Variants in DNAAF9 observed in about 807,000 individuals in gnomAD.
DNAAF9 encodes shulin.
DNAAF9 carries 90 observed loss-of-function variants against 167.0 expected under a neutral mutation model. The observed-to-expected ratio is 0.54, with a 90% CI of 0.45 to 0.64. The LOEUF is 0.64. Ranked by LOEUF, DNAAF9 falls within the 30% of genes least tolerant of loss-of-function variation. The pLI is 0.00. For missense variants in DNAAF9, 1,315 were observed against 1,442.2 expected (o/e 0.91, Z 1.43); for synonymous variants, 491 against 508.8 (o/e 0.96, Z 0.47).
chr20:3,371,653 T>G (rs541751336), intron 6 of DNAAF9, among the ~76,000 whole-genome samples: 6 of 152,218 alleles, frequency 3.9e-5, no homozygotes, highest in Non-Finnish European at 7.3e-5. Context: ...GAAAATCTTT[T>G]TTTAAAGCAT....
chr20:3,315,670 C>A lies in DNAAF9; in HGVS notation c.1590+65G>T. The stretch of plus-strand genomic sequence containing the variant: ...GTAGTGAGATGAAGCATTTTAATAC[C>A]TTTATGAATTGCTTACATTATTTTT... On this transcript the variant is annotated intron_variant, in intron 19 of 36. Coordinates refer to ENST00000252032, the MANE Select transcript of DNAAF9 (RefSeq NM_001009984.3). This position sits in a 1 kb window ranked among gnomAD's most constrained non-coding sequence, Gnocchi z 4.1. 7.9e-7 allele frequency: 1 copy of A among 1,258,080 alleles called. No individual in the cohort carries two copies. Among genetic ancestry groups the A allele is most frequent in the Non-Finnish European group, 1.2e-6 (1 of 855,230 alleles). The allele number at this position is 1,258,080 out of a possible 1,614,324, so 77.9% of individuals were successfully genotyped here. A position where few individuals can be genotyped will look rare whatever the true frequency, so the allele number is the denominator to read the frequency against.
In DNAAF9 at chr20:3,337,775, T is replaced by C. The variant is rs77246031; in HGVS notation, c.981+2729A>G. Among the ~76,000 whole-genome samples the C allele has an allele frequency of 7.0e-3, 1,063 of 152,100 alleles. 5 individuals are homozygous for C. Among genetic ancestry groups the C allele is most frequent in the Non-Finnish European group, 0.012 (814 of 67,992 alleles). ...TAAACCTTGTGTCAGAGTACTCCCA[T>C]GTCCTCCCTCCTGTGTCTTATTACA... On this transcript the variant is annotated intron_variant, in intron 10 of 36. Transcript: ENST00000252032.
In DNAAF9 at chr20:3,249,535, A is replaced by G. The variant is rs940587552; in HGVS notation, c.*3037T>C. 3 of 152,236 alleles carry G rather than the reference A, an allele frequency of 2.0e-5. No individual in the cohort carries two copies. Among genetic ancestry groups the G allele is most frequent in the African/African-American group, 7.2e-5 (3 of 41,466 alleles). The allele number at this position is 152,236 out of a possible 1,614,324, so 9.4% of individuals were successfully genotyped here. ...AGTAGTGTTTGTAAATACGAGTTTT[A>G]AAATTTAAGTTACAAATATTAAAGC... On this transcript the variant is annotated 3_prime_UTR_variant, in exon 37 of 37. Transcript: ENST00000252032.
rs532511380 is a variant in DNAAF9 at position 3,368,655 on chromosome 20, G to C, written c.612+5393C>G. ...AGCCTCCCGAGTAGCTGGGACTACAGGTGCCCGCCACCAAGCCCGGCTAAT... is the reference window on the plus strand; with the variant it reads ...AGCCTCCCGAGTAGCTGGGACTACACGTGCCCGCCACCAAGCCCGGCTAAT... On this transcript the variant is annotated intron_variant, in intron 6 of 36. Transcript: ENST00000252032. 1.8e-4 allele frequency among the ~76,000 whole-genome samples: 28 copies of C among 151,932 alleles called. 1 individual carries two copies. In the South Asian group the frequency reaches 5.2e-3, roughly 28 times the overall value.
chr20:3,291,355 T>G (rs936527137), intron 25 of DNAAF9, among the ~76,000 whole-genome samples: 1 of 150,694 alleles, frequency 6.6e-6, no homozygotes, highest in Admixed American at 6.6e-5. Flanking sequence ...GTTTTTTTTT[T>G]TTTTTTTGAG....
At chr20:3,400,849 G>T (rs181832167) in intron 1 of DNAAF9, among the ~76,000 whole-genome samples, 16 of 152,266 alleles carry the variant, frequency 1.1e-4, no homozygotes, top group African/African-American at 3.1e-4. Context: ...CAAGTGAAAA[G>T]GAAGTTATAT....
At chr20:3,354,650 C>T (rs1307040298) in intron 7 of DNAAF9, among the ~76,000 whole-genome samples, 1 of 152,206 alleles carries the variant, frequency 6.6e-6, no homozygotes, top group Non-Finnish European at 1.5e-5. Flanking sequence ...GTTCTACCAC[C>T]TTCTCCCCTT....
At chr20:3,266,382 C>T (rs1198004354) in intron 30 of DNAAF9, among the ~76,000 whole-genome samples, 1 of 152,182 alleles carries the variant, frequency 6.6e-6, no homozygotes, top group Non-Finnish European at 1.5e-5. Flanking sequence ...AACAGTCTTT[C>T]ACCTAGTGCT....
intron 3 of DNAAF9, among the ~76,000 whole-genome samples, chr20:3,378,150 A>G (rs2083600237): frequency 6.6e-6 from 1 of 152,212 alleles, no homozygotes; most frequent in Admixed American, 6.5e-5. Context: ...ACTTCACTGC[A>G]GAGGTCAATA....
intron 29 of DNAAF9, among the ~76,000 whole-genome samples, chr20:3,273,564 G>T (rs1340346240): frequency 6.7e-6 from 1 of 150,086 alleles, no homozygotes; most frequent in African/African-American, 2.5e-5. Flanking sequence ...GGCGGGGGAG[G>T]TGCCACACTC....
In DNAAF9 at chr20:3,407,522, G is replaced by A. The variant is rs940954734; in HGVS notation, c.36C>T (p.Pro12=). 12 of 1,264,890 alleles carry A rather than the reference G, an allele frequency of 9.5e-6. No individual in the cohort carries two copies. In the African/African-American group the frequency reaches 1.7e-4, roughly 18 times the overall value. 78.4% of individuals were successfully genotyped at this position (1,264,890 alleles called of 1,614,324 possible). The change falls in exon 1 of 37, where the codon CCC becomes CCT. Residue 12 remains proline, a synonymous_variant. Transcript: ENST00000252032. ...TGGAGCCGCCAGGGGACCGAGCGCG[G>A]GGCAGCCCCTGCCGGCGCGGGGGGT... The part of the protein sequence containing the change: ...DVYPPRRQGL[P]RARSPGGSSR...
At chr20:3,297,921 T>C (rs1383525083) in intron 22 of DNAAF9, 108 bp downstream of exon 22, 1 of 860,804 alleles carries the variant, frequency 1.2e-6, no homozygotes, top group Non-Finnish European at 1.9e-6. Flanking sequence ...CCCTCCTAAC[T>C]CTCCCTCTCA....
chr20:3,278,251 TAAGA>T (rs563116597), intron 29 of DNAAF9, among the ~76,000 whole-genome samples: 52 of 152,156 alleles, frequency 3.4e-4, no homozygotes, highest in African/African-American at 1.2e-3. Flanking sequence ...TGGGAGGTAT[TAAGA>T]AAGACAGGTC....
At chr20:3,305,491 GATAA>G (rs1364086668) in intron 20 of DNAAF9, among the ~76,000 whole-genome samples, 4 of 152,230 alleles carry the variant, frequency 2.6e-5, no homozygotes, top group African/African-American at 9.6e-5. Flanking sequence ...AAGGCCAAGA[GATAA>G]ATAAGTGAAA....
At position 3,304,498 on chromosome 20, in the gene DNAAF9, C is replaced by A; in HGVS notation, c.1724G>T (p.Arg575Leu). Reference protein sequence around the residue: ...FSSGLLFSHCRHRSIIISKDH... With the variant: ...FSSGLLFSHCLHRSIIISKDH... ...CTTGGAAATGATGATACTTCTATGA[C>A]GACAGTGAGAAAACAGAAGGCCACT... The change falls in exon 21 of 37, where the codon CGT becomes CTT. Residue 575 changes from arginine to leucine, a missense_variant. Around this residue, in one of 2 missense-constraint regions of DNAAF9, gnomAD observed 981 missense variants for 1,012.5 expected, o/e 0.97. Coordinates refer to ENST00000252032, the MANE Select transcript of DNAAF9 (RefSeq NM_001009984.3). The A allele has an allele frequency of 2.0e-6, 3 of 1,521,056 alleles. No homozygotes were observed. Among genetic ancestry groups the A allele is most frequent in the Non-Finnish European group, 2.7e-6 (3 of 1,095,504 alleles). 94.2% of individuals were successfully genotyped at this position (1,521,056 alleles called of 1,614,324 possible).
chr20:3,332,872 G>GTGCA (rs916263514), intron 10 of DNAAF9, among the ~76,000 whole-genome samples: 1 of 150,184 alleles, frequency 6.7e-6, no homozygotes, highest in Non-Finnish European at 1.5e-5. Flanking sequence ...GTGTGCGTGC[G>GTGCA]TGCATGCGTG....
intron 6 of DNAAF9, among the ~76,000 whole-genome samples, chr20:3,360,995 G>C (rs779873936): frequency 3.3e-5 from 5 of 152,150 alleles, no homozygotes; most frequent in Non-Finnish European, 7.3e-5. Context: ...TGACAGCAGA[G>C]GGTGGCAGGG....
intron 7 of DNAAF9, among the ~76,000 whole-genome samples, chr20:3,351,851 T>TTAA (rs1555795264): frequency 4.0e-5 from 6 of 150,198 alleles, no homozygotes; most frequent in Non-Finnish European, 5.9e-5. Flanking sequence ...TATTTATTTA[T>TTAA]TTATTTATTT....
At chr20:3,296,700 C>T in intron 23 of DNAAF9, 161 bp downstream of exon 23, 2 of 644,296 alleles carry the variant, frequency 3.1e-6, no homozygotes, top group Middle Eastern at 2.7e-4. Flanking sequence ...CTTCTATTCC[C>T]CCAAGGGCAC....
Sources: gnomAD v4.1 joint callset for allele counts (sites outside exome capture counted in the v4.1 genomes callset) on GRCh38, gnomAD v4.1.1 for gene constraint, gnomAD v4.1.1 regional missense constraint, Gnocchi (gnomAD v3.1) non-coding constraint, MANE v1.5 for transcripts, NCBI Gene and HGNC (gene_info 2026-07-23, HGNC 2026-07-21) for gene names.